TBL1XR1: variants seen among roughly 807,000 people sequenced by gnomAD.
TBL1XR1 encodes the protein F-box-like/WD repeat-containing protein TBL1XR1.
A neutral mutation model predicts 66.9 loss-of-function variants in TBL1XR1; 5 were observed. That is an observed-to-expected ratio of 0.07 (90% CI 0.04 to 0.16). The LOEUF (loss-of-function observed/expected upper bound fraction) is 0.16, where lower values mean the gene tolerates loss of function less well. Ranked by LOEUF, TBL1XR1 falls within the 10% of genes least tolerant of loss-of-function variation. TBL1XR1 has a pLI of 1.00. For missense variants in TBL1XR1, 238 were observed against 623.2 expected, an observed-to-expected ratio of 0.38 and a Z score of 6.58; for synonymous variants, 210 against 206.0, an observed-to-expected ratio of 1.02 and a Z score of -0.17.
chr3:177,143,855 G>A (rs1729924417), intron 1 of TBL1XR1, among the ~76,000 whole-genome samples: 4 of 152,208 alleles, frequency 2.6e-5, no homozygotes, highest in Admixed American at 2.6e-4. Context: ...ACAACGCTTT[G>A]GGGAACAAGT....
intron 1 of TBL1XR1, among the ~76,000 whole-genome samples, chr3:177,168,328 T>C (rs1005846205): frequency 1.3e-5 from 2 of 151,792 alleles, no homozygotes; most frequent in Admixed American, 6.6e-5. Flanking sequence ...GTTGCCCAGA[T>C]TGGAGTGCAG....
chr3:177,087,758 A>G (rs1419559214), intron 2 of TBL1XR1, among the ~76,000 whole-genome samples: 3 of 152,104 alleles, frequency 2.0e-5, no homozygotes, highest in Non-Finnish European at 4.4e-5. Flanking sequence ...GGAAAAAAGA[A>G]TGGGGGGCGG....
intron 1 of TBL1XR1, among the ~76,000 whole-genome samples, chr3:177,168,905 A>G (rs1733138119): frequency 6.6e-6 from 1 of 152,120 alleles, no homozygotes; most frequent in Non-Finnish European, 1.5e-5. Context: ...AGATTTGGAG[A>G]GGGGGAAACA....
At chr3:177,071,892 A>G (rs955253060) in intron 2 of TBL1XR1, among the ~76,000 whole-genome samples, 2 of 152,226 alleles carry the variant, frequency 1.3e-5, no homozygotes, top group African/African-American at 4.8e-5. Context: ...GAGAGAAAAC[A>G]GTTGGCAGTA....
intron 4 of TBL1XR1, among the ~76,000 whole-genome samples, chr3:177,052,586 T>C (rs776326375): frequency 1.3e-5 from 2 of 152,186 alleles, no homozygotes; most frequent in Admixed American, 6.5e-5. Flanking sequence ...CCATGTCAAA[T>C]TTACACACAT....
intron 1 of TBL1XR1, among the ~76,000 whole-genome samples, chr3:177,111,101 C>T (rs1485188985): frequency 6.6e-6 from 1 of 151,978 alleles, no homozygotes; most frequent in African/African-American, 2.4e-5. Context: ...AGGCACACAA[C>T]AGGAGGACAT....
At chr3:177,059,865 T>C (rs780483752) in intron 3 of TBL1XR1, among the ~76,000 whole-genome samples, 2 of 152,176 alleles carry the variant, frequency 1.3e-5, no homozygotes, top group Non-Finnish European at 2.9e-5. Flanking sequence ...CCAGCACAGC[T>C]AGGATAAAGC....
intron 1 of TBL1XR1, among the ~76,000 whole-genome samples, chr3:177,149,213 G>A (rs559316537): frequency 6.6e-6 from 1 of 152,262 alleles, no homozygotes; most frequent in Admixed American, 6.5e-5. Context: ...GGCAACAACA[G>A]TAGCATCTGC....
At chr3:177,105,960 C>G (rs1325245019) in intron 1 of TBL1XR1, among the ~76,000 whole-genome samples, 5 of 151,726 alleles carry the variant, frequency 3.3e-5, no homozygotes, top group Non-Finnish European at 2.9e-5. Context: ...GTGTTCAGAA[C>G]TAGAGGGAGA....
intron 14 of TBL1XR1, among the ~76,000 whole-genome samples, chr3:177,030,131 TAGAGAG>T (rs72403499): frequency 1.0e-4 from 15 of 149,482 alleles, no homozygotes; most frequent in East Asian, 3.9e-4. Context: ...TATATATATA[TAGAGAG>T]AGAGAGAGAG....
intron 3 of TBL1XR1, among the ~76,000 whole-genome samples, chr3:177,061,309 T>TA (rs1718487924): frequency 6.6e-6 from 1 of 152,180 alleles, no homozygotes; most frequent in East Asian, 1.9e-4. Flanking sequence ...GATAGTATCT[T>TA]ATAGTATTGA....
chr3:177,076,129 C>T (rs1232359640), intron 2 of TBL1XR1, among the ~76,000 whole-genome samples: 3 of 152,230 alleles, frequency 2.0e-5, no homozygotes, highest in Admixed American at 6.5e-5. Context: ...CCTCCTCATA[C>T]TGTTTAAGGA....
At position 177,050,496 on chromosome 3, in the gene TBL1XR1, C is replaced by T. The variant is rs1367919718; in HGVS notation, c.542G>A (p.Ser181Asn). 1.2e-6 allele frequency: 2 copies of T among 1,613,740 alleles called. No homozygotes were observed. Among genetic ancestry groups the T allele is most frequent in the Non-Finnish European group, 1.7e-6 (2 of 1,179,778 alleles). The change falls in exon 6 of 16, where the codon AGT becomes AAT. Residue 181 changes from serine (S) to asparagine (N), a missense_variant. By Grantham distance (46) the Ser-to-Asn change is conservative. Transcript: ENST00000457928. ...EVFICAWNPV[S>N]DLLASGSGDS... ...AACATACCCTGATGCTAGGAGATCA[C>T]TAACAGGGTTCCAGGCACAGATAAA... is the stretch of plus-strand genomic sequence containing the variant.
At chr3:177,082,329 T>A (rs1470281655) in intron 2 of TBL1XR1, among the ~76,000 whole-genome samples, 1 of 152,048 alleles carries the variant, frequency 6.6e-6, no homozygotes, top group Non-Finnish European at 1.5e-5. Flanking sequence ...AGTAATTTCA[T>A]GTTATGTTCT....
chr3:177,097,660 TTA>T (rs1364908046), intron 2 of TBL1XR1, among the ~76,000 whole-genome samples: 3 of 152,194 alleles, frequency 2.0e-5, no homozygotes, highest in Non-Finnish European at 4.4e-5. Flanking sequence ...AAATGATTAA[TTA>T]TAACAGGTAG....
intron 1 of TBL1XR1, among the ~76,000 whole-genome samples, chr3:177,122,841 T>C (rs1354984699): frequency 1.3e-5 from 2 of 151,924 alleles, no homozygotes; most frequent in Non-Finnish European, 2.9e-5. Context: ...ACAGTATCTT[T>C]ATCTTCCAAC....
Position 177,102,747 on chromosome 3 carries a change from T to C in TBL1XR1, c.-121-4206A>G, listed in dbSNP as rs574450409. 7.4e-4 allele frequency among the ~76,000 whole-genome samples: 112 copies of C among 152,308 alleles called. 1 individual carries two copies. Among genetic ancestry groups the C allele is most frequent in the South Asian group, 1.2e-3 (6 of 4,832 alleles). On this transcript the variant is annotated intron_variant, in intron 1 of 15. Transcript: ENST00000457928. ...GACATTCCTCATTCCTTACCAGAAA[T>C]GTCCTTCTGACTACGGTTCTGCTCA...
chr3:177,190,812 A>T (rs1736048448), intron 1 of TBL1XR1, among the ~76,000 whole-genome samples: 1 of 152,204 alleles, frequency 6.6e-6, no homozygotes, highest in Non-Finnish European at 1.5e-5. Flanking sequence ...AGGCCCTCAC[A>T]ATCCATTTTA....
chr3:177,095,867 T>G (rs1249345903), intron 2 of TBL1XR1, among the ~76,000 whole-genome samples: 1 of 152,228 alleles, frequency 6.6e-6, no homozygotes, highest in Non-Finnish European at 1.5e-5. Context: ...TCCCTCATAT[T>G]ATTTTAACAA....
Sources: allele counts gnomAD v4.1 joint callset (sites outside exome capture counted in the v4.1 genomes callset), GRCh38; gene constraint gnomAD v4.1.1; transcripts MANE v1.5; gene names NCBI Gene and HGNC (gene_info 2026-07-23, HGNC 2026-07-21).